IDE: variants seen among roughly 807,000 people sequenced by gnomAD.
The protein encoded by IDE is insulin-degrading enzyme.
IDE carries 58 observed loss-of-function variants against 133.2 expected under a neutral mutation model. That is an observed-to-expected ratio of 0.44 (90% CI 0.35 to 0.54). IDE has a LOEUF of 0.54. IDE is among the 20% of genes least tolerant of loss of function. IDE has a pLI of 0.00. For missense variants in IDE, 981 were observed against 1,234.0 expected (o/e 0.79, Z 3.07); for synonymous variants, 396 against 421.3 (o/e 0.94, Z 0.73).
intron 1 of IDE, among the ~76,000 whole-genome samples, chr10:92,567,022 C>G (rs545585154): frequency 6.6e-6 from 1 of 152,294 alleles, no homozygotes; most frequent in South Asian, 2.1e-4. Flanking sequence ...TGGTTCTGAT[C>G]TTTCAATTGA....
chr10:92,485,303 T>C, intron 13 of IDE, among the ~76,000 whole-genome samples: 1 of 152,004 alleles, frequency 6.6e-6, no homozygotes. Context: ...TTTTTTTTAG[T>C]AGAGACGGGG....
Position 92,552,857 on chromosome 10 carries a change from C to CAAAAAAAAAAAAAAAAAAAAAA in IDE, c.99-15308_99-15307insTTTTTTTTTTTTTTTTTTTTTT, listed in dbSNP as rs71028827. Among the ~76,000 whole-genome samples the CAAAAAAAAAAAAAAAAAAAAAA allele has an allele frequency of 3.7e-3, 184 of 49,324 alleles. 15 individuals carry two copies. The highest frequency in any genetic ancestry group is 0.01 in the African/African-American group (96 of 9,312). 32.4% of individuals were successfully genotyped at this position (49,324 alleles called of 152,430 possible). A position where few individuals can be genotyped will look rare whatever the true frequency, so the allele number is the denominator to read the frequency against. On this transcript the variant is annotated intron_variant, in intron 1 of 24. Transcript: ENST00000265986. ...TGGGTGACAGAGTAAGACTCAGTCT[C>CAAAAAAAAAAAAAAAAAAAAAA]AAAAAAAAAAAAAAAAAAAAATTAT... is the stretch of plus-strand genomic sequence containing the variant.
At chr10:92,544,257 T>C (rs1842439607) in intron 1 of IDE, among the ~76,000 whole-genome samples, 2 of 150,472 alleles carry the variant, frequency 1.3e-5, no homozygotes, top group African/African-American at 4.9e-5. Context: ...AAAGATAGAA[T>C]ACCATTGTAC....
intron 1 of IDE, among the ~76,000 whole-genome samples, chr10:92,562,488 C>T (rs1843326286): frequency 6.6e-6 from 1 of 152,222 alleles, no homozygotes; most frequent in South Asian, 2.1e-4. Context: ...TTTTCCACTA[C>T]ATCACACTGG....
intron 15 of IDE, among the ~76,000 whole-genome samples, chr10:92,478,211 A>G (rs772190863): frequency 6.6e-6 from 1 of 152,234 alleles, no homozygotes; most frequent in African/African-American, 2.4e-5. Context: ...ATGCTACAAA[A>G]TAAGTTTTAA....
At chr10:92,488,906 C>T (rs931892567) in intron 12 of IDE, among the ~76,000 whole-genome samples, 1 of 132,224 alleles carries the variant, frequency 7.6e-6, no homozygotes, top group African/African-American at 2.9e-5. Context: ...GATTGTTGAA[C>T]CTAATTTATA....
At chr10:92,465,133 G>A (rs1845607878) in intron 20 of IDE, among the ~76,000 whole-genome samples, 1 of 152,168 alleles carries the variant, frequency 6.6e-6, no homozygotes, top group Admixed American at 6.5e-5. Context: ...AAACAATGAT[G>A]GGTACTTGGA....
Position 92,455,630 on chromosome 10 carries a change from T to C in IDE, c.2910A>G (p.Gly970=). ...AREMDSCPVV[G]EFPCQNDINL... ...TTATGTCATTTTGACATGGGAACTC[T>C]CCAACAACAGGACCTATAAGAAAAT... The change falls in exon 24 of 25, where the codon GGA becomes GGG. Residue 970 remains glycine (G), a synonymous_variant. Transcript: ENST00000265986. The C allele has an allele frequency of 6.3e-7, 1 of 1,590,782 alleles. No homozygotes were observed. The highest frequency in any genetic ancestry group is 8.6e-7 in the Non-Finnish European group (1 of 1,159,192).
intron 11 of IDE, among the ~76,000 whole-genome samples, chr10:92,495,365 C>A (rs1283382317): frequency 6.6e-6 from 1 of 151,930 alleles, no homozygotes; most frequent in Non-Finnish European, 1.5e-5. Flanking sequence ...GGACTACAGG[C>A]ACACGCCACC....
intron 11 of IDE, chr10:92,497,637 C>T: frequency 3.1e-6 from 2 of 648,342 alleles, no homozygotes; most frequent in Non-Finnish European, 3.8e-6. Flanking sequence ...CAATGTTAAA[C>T]TTGTCTCAGC....
intron 17 of IDE, among the ~76,000 whole-genome samples, chr10:92,472,385 G>C (rs1186858223): frequency 6.6e-6 from 1 of 152,102 alleles, no homozygotes; most frequent in Non-Finnish European, 1.5e-5. Flanking sequence ...TTTTTAAAAG[G>C]TATAATTCTT....
chr10:92,506,262 C>T (rs748566391), intron 10 of IDE, among the ~76,000 whole-genome samples, 180 bp downstream of exon 10: 2 of 152,096 alleles, frequency 1.3e-5, no homozygotes, highest in Non-Finnish European at 2.9e-5. Context: ...ATAAATTTCA[C>T]GATGATGAAA....
chr10:92,456,861 AAAAAAAAAAAAAG>A (rs1845051186), intron 22 of IDE, among the ~76,000 whole-genome samples: 1 of 150,294 alleles, frequency 6.7e-6, no homozygotes, highest in Non-Finnish European at 1.5e-5. Flanking sequence ...AAAAAAAAAA[AAAAAAAAAAAAAG>A]AAAAAGAAAA....
At chr10:92,460,213 G>A (rs1564590067) in intron 22 of IDE, among the ~76,000 whole-genome samples, 1 of 152,120 alleles carries the variant, frequency 6.6e-6, no homozygotes, top group Non-Finnish European at 1.5e-5. Flanking sequence ...CTTCCTAAGT[G>A]AGCGCAAGCA....
intron 1 of IDE, among the ~76,000 whole-genome samples, chr10:92,548,190 T>C (rs1842611731): frequency 6.6e-6 from 1 of 151,578 alleles, no homozygotes; most frequent in Non-Finnish European, 1.5e-5. Flanking sequence ...AGAAACTCCA[T>C]CTCTACTAAA....
chr10:92,572,978 G>C, intron 1 of IDE: 5 of 985,342 alleles, frequency 5.1e-6, no homozygotes, highest in Non-Finnish European at 6.0e-6. Context: ...TTCCTTGGAA[G>C]GCAGACACAT....
intron 14 of IDE, 146 bp from the exon 15 acceptor site, chr10:92,479,567 A>G (rs1451319083): frequency 8.0e-6 from 5 of 622,642 alleles, no homozygotes; most frequent in African/African-American, 7.4e-5. Flanking sequence ...TCTTATGAGG[A>G]AAAAAAAGAA....
chr10:92,548,830 T>C (rs1349402404), intron 1 of IDE, among the ~76,000 whole-genome samples: 6 of 152,190 alleles, frequency 3.9e-5, no homozygotes, highest in Admixed American at 6.5e-5. Flanking sequence ...TGGGTGACTA[T>C]TCCCACTCAC....
chr10:92,531,763 T>C lies in IDE; in HGVS notation c.646A>G (p.Ser216Gly). Reference sequence around the variant, plus strand: ...GTTGACAAACCTGTCCCAAATTTACTGAAGGGGTGTTTAGGATTCCCTGTA... The same window carrying C: ...GTTGACAAACCTGTCCCAAATTTACCGAAGGGGTGTTTAGGATTCCCTGTA... ...KATGNPKHPF[S>G]KFGTGNKYTL... Residue 216 changes from serine to glycine, a missense_variant, in exon 4 of 25, where the codon AGT becomes GGT. Around this residue, in one of 2 missense-constraint regions of IDE, gnomAD observed 321 missense variants for 339.3 expected, o/e 0.95. Transcript: ENST00000265986. The C allele has an allele frequency of 1.3e-6, 2 of 1,584,254 alleles. No homozygotes were observed. The highest frequency in any genetic ancestry group is 1.7e-5 in the Admixed American group (1 of 58,414).
Sources: allele counts gnomAD v4.1 joint callset (sites outside exome capture counted in the v4.1 genomes callset), GRCh38; gene constraint gnomAD v4.1.1; regional missense constraint gnomAD v4.1.1; transcripts MANE v1.5; gene names NCBI Gene and HGNC (gene_info 2026-07-23, HGNC 2026-07-21).